Variants in RBFOX1 observed in about 807,000 individuals in gnomAD.
The protein encoded by RBFOX1 is RNA binding fox-1 homolog 1, also known as RNA binding protein fox-1 homolog 1.
RBFOX1 carries 8 observed loss-of-function variants against 57.7 expected under a neutral mutation model. That is an observed-to-expected ratio of 0.14 (90% CI 0.08 to 0.25). RBFOX1 has a LOEUF of 0.25. Among genes scored for constraint, RBFOX1 ranks in the 10% least tolerant of loss-of-function variants. The pLI, the probability that RBFOX1 is intolerant of heterozygous loss-of-function variation, is 1.00. For synonymous variants in RBFOX1, 326 were observed against 222.4 expected (o/e 1.47, Z -4.15); for missense variants, 611 against 548.5 (o/e 1.11, Z -1.14).
At chr16:5,393,272 A>C (rs1321986818) in intron 1 of RBFOX1, among the ~76,000 whole-genome samples, 1 of 152,128 alleles carries the variant, frequency 6.6e-6, no homozygotes, top group Non-Finnish European at 1.5e-5. Flanking sequence ...GAGCTCCACA[A>C]TTAGTCATTC....
At chr16:5,833,678 G>A (rs1036485046) in intron 3 of RBFOX1, among the ~76,000 whole-genome samples, 2 of 152,058 alleles carry the variant, frequency 1.3e-5, no homozygotes, top group African/African-American at 2.4e-5. Context: ...ATCAAGAATG[G>A]ACGTGTGCAT....
At chr16:6,748,726 A>T (rs1399312098) in intron 3 of RBFOX1, among the ~76,000 whole-genome samples, 1 of 152,190 alleles carries the variant, frequency 6.6e-6, no homozygotes, top group East Asian at 1.9e-4. Flanking sequence ...AACAGAAGTT[A>T]TTTGGAGTAT....
At chr16:6,953,066 C>G (rs114048675) in intron 3 of RBFOX1, among the ~76,000 whole-genome samples, 4 of 152,048 alleles carry the variant, frequency 2.6e-5, no homozygotes, top group African/African-American at 4.8e-5. Context: ...TTGCAGGTGG[C>G]GAAACCAAGC....
chr16:7,185,137 G>A (rs568676898), intron 4 of RBFOX1, among the ~76,000 whole-genome samples: 1 of 152,126 alleles, frequency 6.6e-6, no homozygotes, highest in South Asian at 2.1e-4. Flanking sequence ...AGAGCATATG[G>A]GAGCACTTTG....
At chr16:7,206,106 C>T (rs2089914949) in intron 4 of RBFOX1, among the ~76,000 whole-genome samples, 1 of 152,174 alleles carries the variant, frequency 6.6e-6, no homozygotes, top group Non-Finnish European at 1.5e-5. Flanking sequence ...TAGGGAAGTG[C>T]TTACCTGATA....
At chr16:6,043,094 G>A (rs1347085290) in intron 1 of RBFOX1, among the ~76,000 whole-genome samples, 3 of 120,644 alleles carry the variant, frequency 2.5e-5, no homozygotes, top group Non-Finnish European at 4.8e-5. Context: ...CTGCAGCCTG[G>A]GCGACAGAGC....
intron 4 of RBFOX1, among the ~76,000 whole-genome samples, chr16:7,185,294 T>G (rs2083491532): frequency 1.3e-5 from 2 of 152,174 alleles, no homozygotes; most frequent in African/African-American, 4.8e-5. Context: ...TTTTTTTCCC[T>G]AATGATTCTA....
At chr16:6,243,876 GAGAGGACGTGTCC>G (rs1434694092) in intron 1 of RBFOX1, among the ~76,000 whole-genome samples, 1 of 152,188 alleles carries the variant, frequency 6.6e-6, no homozygotes, top group Non-Finnish European at 1.5e-5. Context: ...CTGAGATGAA[GAGAGGACGTGTCC>G]AGAGGCCATT....
rs58087969 is a variant in RBFOX1 at position 5,754,377 on chromosome 16, T to C, written c.319-112926T>C. Among the ~76,000 whole-genome samples the C allele has an allele frequency of 3.5e-3, 538 of 152,278 alleles. 6 individuals are homozygous for C. Among genetic ancestry groups the C allele is most frequent in the African/African-American group, 0.012 (509 of 41,558 alleles). On this transcript the variant is annotated intron_variant, in intron 3 of 19. Coordinates refer to the RBFOX1 transcript ENST00000641259. ...GTTAGGAAGGAAGGGAGTGTTTTAA[T>C]TGATGATTGATGTGGGGGTGGGTTG...
chr16:7,539,319 G>C (rs185608655), intron 5 of RBFOX1, among the ~76,000 whole-genome samples: 3 of 152,272 alleles, frequency 2.0e-5, no homozygotes, highest in East Asian at 1.9e-4. Context: ...AGCAAGAGAA[G>C]ACAGTGGGAG....
intron 2 of RBFOX1, among the ~76,000 whole-genome samples, chr16:6,555,642 G>A (rs1462450661): frequency 2.0e-5 from 3 of 152,174 alleles, no homozygotes; most frequent in East Asian, 1.9e-4. Flanking sequence ...AGAGCTTGCC[G>A]TGAGCCAAGA....
chr16:6,885,334 T>C (rs1301939436), intron 3 of RBFOX1, among the ~76,000 whole-genome samples: 1 of 152,176 alleles, frequency 6.6e-6, no homozygotes, highest in Admixed American at 6.5e-5. Flanking sequence ...CTCTAGGGTT[T>C]GGGTGTCTCT....
chr16:6,490,834 C>T (rs1177505561), intron 2 of RBFOX1, among the ~76,000 whole-genome samples: 1 of 152,090 alleles, frequency 6.6e-6, no homozygotes, highest in African/African-American at 2.4e-5. Context: ...ACAAAGAGAG[C>T]GAAGAGTGAA....
chr16:6,169,333 C>A (rs1413923060), intron 1 of RBFOX1, among the ~76,000 whole-genome samples: 8 of 151,574 alleles, frequency 5.3e-5, no homozygotes, highest in Admixed American at 3.3e-4. Context: ...TGGGGAAAGA[C>A]GAGAAGGAGT....
At chr16:5,600,456 A>C (rs1187577568), downstream of RBFOX1, among the ~76,000 whole-genome samples, 1 of 146,536 alleles carries the variant, frequency 6.8e-6, no homozygotes, top group Non-Finnish European at 1.5e-5. Context: ...ACTGCACTCC[A>C]GCCTGGGCAA....
rs559209249 is a variant in RBFOX1, at chr16:5,270,562, C to T, written c.219+30457C>T. The T allele has an allele frequency of 3.9e-4, 229 of 588,598 alleles. 1 individual carries two copies. Among genetic ancestry groups the T allele is most frequent in the African/African-American group, 3.5e-3 (186 of 53,500 alleles). 36.5% of individuals were successfully genotyped at this position (588,598 alleles called of 1,614,324 possible). On this transcript the variant is annotated intron_variant, in intron 1 of 2. Transcript: ENST00000585867. ...AAACTCATGTTGATGTGAAGACTAC[C>T]GATGGTTACTTCTTTCATCTGTTTT...
intron 4 of RBFOX1, among the ~76,000 whole-genome samples, chr16:7,090,977 C>A (rs908839255): frequency 6.6e-6 from 1 of 152,170 alleles, no homozygotes; most frequent in Non-Finnish European, 1.5e-5. Context: ...TGAGCTGTTT[C>A]TCCTAGGGCT....
At chr16:7,193,644 T>C (rs914594581) in intron 4 of RBFOX1, among the ~76,000 whole-genome samples, 4 of 152,218 alleles carry the variant, frequency 2.6e-5, no homozygotes, top group African/African-American at 9.7e-5. Context: ...TAACTGAGGA[T>C]ACTGCAACAG....
chr16:7,135,608 T>C (rs2071702380), intron 4 of RBFOX1, among the ~76,000 whole-genome samples: 1 of 152,358 alleles, frequency 6.6e-6, no homozygotes, highest in East Asian at 1.9e-4. Context: ...AGCATAAACT[T>C]TGTAGTTGTT....
Sources: gnomAD v4.1 joint callset for allele counts (sites outside exome capture counted in the v4.1 genomes callset) on GRCh38, gnomAD v4.1.1 for gene constraint, MANE v1.5 for transcripts, NCBI Gene and HGNC (gene_info 2026-07-23, HGNC 2026-07-21) for gene names.